The following ZC3H13 variants were observed in gnomAD, a reference collection of about 807,000 sequenced individuals.
ZC3H13 encodes zinc finger CCCH-type containing 13.
Under a neutral mutation model 204.1 loss-of-function variants are expected in ZC3H13, and 64 were observed. The ratio of observed to expected loss-of-function variants is 0.31; its 90% CI spans 0.26 to 0.39. The LOEUF (loss-of-function observed/expected upper bound fraction) is 0.39. ZC3H13 is among the 10% of genes least tolerant of loss of function. The pLI is 1.00. For missense variants in ZC3H13, 1,833 were observed against 2,082.7 expected (o/e 0.88, Z 2.33); for synonymous variants, 667 against 693.7 (o/e 0.96, Z 0.60).
chr13:45,989,368 C>T (rs1477585114), intron 8 of ZC3H13, among the ~76,000 whole-genome samples: 1 of 152,206 alleles, frequency 6.6e-6, no homozygotes, highest in Non-Finnish European at 1.5e-5. Context: ...TTCCAACATA[C>T]ACCATCTACC....
rs957426878 is a variant in ZC3H13, at chr13:45,969,829, G to A, written c.2715C>T (p.Tyr905=). 3.1e-6 allele frequency: 5 copies of A among 1,613,550 alleles called. No individual in the cohort carries two copies. Among genetic ancestry groups the A allele is most frequent in the East Asian group, 2.2e-5 (1 of 44,884 alleles). ...KPERKESSRR[Y]EEQELKEKVS... ...CTTTCTCCTTGAGTTCCTGTTCTTC[G>A]TAGCGCCTTGAACTCTCTTTCCTTT... The change falls in exon 14 of 19, where the codon TAC becomes TAT. Residue 905 remains tyrosine, a synonymous_variant. Transcript: ENST00000679008.
intron 17 of ZC3H13, chr13:45,963,587 C>T (rs1395862830): frequency 8.1e-7 from 1 of 1,240,726 alleles, no homozygotes; most frequent in African/African-American, 1.6e-5. Flanking sequence ...CACGCCTGGC[C>T]TGTTAATAAG....
intron 7 of ZC3H13, among the ~76,000 whole-genome samples, chr13:46,008,509 T>C (rs552184912): frequency 1.2e-4 from 19 of 152,216 alleles, no homozygotes; most frequent in Non-Finnish European, 2.6e-4. Context: ...CAAATATTTA[T>C]AATAGGATGT....
rs2274382 is a variant in ZC3H13, at chr13:46,052,327, G to A, written c.-10+77C>T. ...CAGTGACTCAAGCAAAGACGGGGGGGGGTAACCCGGGCCTCCGCATTACGG... is the reference window on the plus strand; with the variant it reads ...CAGTGACTCAAGCAAAGACGGGGGGAGGTAACCCGGGCCTCCGCATTACGG... On this transcript the variant is annotated intron_variant, in intron 1 of 18. Coordinates refer to ENST00000679008, the MANE Select transcript of ZC3H13 (RefSeq NM_001330564.2). 815 of 390,382 alleles carry A rather than the reference G, an allele frequency of 2.1e-3. 13 individuals are homozygous for A. The East Asian group carries it at 0.028, about 14-fold the overall frequency. The allele number at this position is 390,382 out of a possible 1,614,324, so 24.2% of individuals were successfully genotyped here. A position where few individuals can be genotyped will look rare whatever the true frequency, so the allele number is the denominator to read the frequency against.
At chr13:46,005,873 C>T (rs371434012) in intron 7 of ZC3H13, among the ~76,000 whole-genome samples, 3 of 151,946 alleles carry the variant, frequency 2.0e-5, no homozygotes, top group South Asian at 2.1e-4. Flanking sequence ...GTGGGCGGAT[C>T]GTGAGGCGGT....
chr13:45,968,640 T>G, intron 14 of ZC3H13, 108 bp downstream of exon 14: 1 of 1,414,264 alleles, frequency 7.1e-7, no homozygotes, highest in Non-Finnish European at 9.4e-7. Context: ...TGCATAAAAT[T>G]TAAGGCAGCA....
intron 4 of ZC3H13, among the ~76,000 whole-genome samples, chr13:46,036,495 A>G (rs2139065751): frequency 6.6e-6 from 1 of 152,308 alleles, no homozygotes; most frequent in South Asian, 2.1e-4. Flanking sequence ...TAAACAAATG[A>G]CAGAAATGGT....
rs564859072 is a variant in ZC3H13, at chr13:45,963,894, T to C, written c.4623A>G (p.Glu1541=). The change falls in exon 17 of 19, where the codon GAA becomes GAG. Residue 1541 remains glutamate, a synonymous_variant. Coordinates refer to ENST00000679008, the MANE Select transcript of ZC3H13 (RefSeq NM_001330564.2). The part of the protein sequence containing the change: ...VGISKKLAGS[E]LFAKVKETCQ... ...ATGTTTCTTTGACTTTGGCAAAGAG[T>C]TCAGAACCTGCCAACTTTTTAGAAA... is the stretch of plus-strand genomic sequence containing the variant. 1 of 1,614,064 alleles carries C rather than the reference T, an allele frequency of 6.2e-7. No homozygotes were observed. The highest frequency in any genetic ancestry group is 1.7e-5 in the Admixed American group (1 of 60,020).
At chr13:45,987,027 A>G (rs1954258394) in intron 9 of ZC3H13, among the ~76,000 whole-genome samples, 1 of 152,116 alleles carries the variant, frequency 6.6e-6, no homozygotes, top group Non-Finnish European at 1.5e-5. Flanking sequence ...TTTCACTTCT[A>G]TTCCTCCCCC....
Position 46,015,879 on chromosome 13 carries a change from T to G in ZC3H13, c.449-4325A>C, listed in dbSNP as rs1038707050. ...GGAGAAAACACTAACAATATATTTA[T>G]ATATCTGATAAAAATCTCATATCCA... On this transcript the variant is annotated intron_variant, in intron 5 of 18. Coordinates refer to ENST00000679008, the MANE Select transcript of ZC3H13 (RefSeq NM_001330564.2). Among the ~76,000 whole-genome samples the G allele has an allele frequency of 1.3e-4, 20 of 151,946 alleles. 2 individuals are homozygous for G. The highest frequency in any genetic ancestry group is 1.2e-3 in the Admixed American group (18 of 15,238).
chr13:45,998,149 C>A (rs551030567), intron 8 of ZC3H13, among the ~76,000 whole-genome samples: 2 of 152,086 alleles, frequency 1.3e-5, no homozygotes, highest in South Asian at 4.1e-4. Flanking sequence ...TAATTACATT[C>A]CTTATCAATC....
Position 45,959,546 on chromosome 13 carries a change from A to G in ZC3H13, c.4776T>C (p.Cys1592=). 1 of 1,548,984 alleles carries G rather than the reference A, an allele frequency of 6.5e-7. No individual in the cohort carries two copies. The highest frequency in any genetic ancestry group is 8.7e-7 in the Non-Finnish European group (1 of 1,146,332). Residue 1592 remains cysteine, a synonymous_variant, in exon 18 of 19, where the codon TGT becomes TGC. Transcript: ENST00000679008. ...RASLLSNLGP[C]CKALCFRRDS... Reference sequence around the variant, plus strand: ...CCCGTCTGAAGCACAACGCCTTACAACATGGGCCAAGATTACTAAGAAGAC... The same window carrying G: ...CCCGTCTGAAGCACAACGCCTTACAGCATGGGCCAAGATTACTAAGAAGAC...
intron 8 of ZC3H13, among the ~76,000 whole-genome samples, chr13:45,999,133 G>T (rs987359305): frequency 6.6e-6 from 1 of 152,126 alleles, no homozygotes; most frequent in African/African-American, 2.4e-5. Flanking sequence ...CCAGCTACTT[G>T]GGAGGGTGAG....
At position 46,047,778 on chromosome 13, in the gene ZC3H13, T is replaced by C. The variant is rs142860456; in HGVS notation, c.-9-2262A>G. On this transcript the variant is annotated intron_variant, in intron 1 of 18. Coordinates refer to ENST00000679008, the MANE Select transcript of ZC3H13 (RefSeq NM_001330564.2). ...TTCATTATATATTGCTACATTAATA[T>C]ACAAATATAGAGTAATCCTCAACCA... Among the ~76,000 whole-genome samples, 511 of 152,330 alleles carry C rather than the reference T, an allele frequency of 3.4e-3. 7 individuals are homozygous for C. The highest frequency in any genetic ancestry group is 0.029 in the Admixed American group (450 of 15,302).
Position 45,955,484 on chromosome 13 carries a change from A to G in ZC3H13, c.*1643T>C. The G allele has an allele frequency of 6.6e-6, 1 of 152,208 alleles. No homozygotes were observed. Among genetic ancestry groups the G allele is most frequent in the East Asian group, 1.9e-4 (1 of 5,204 alleles). The allele number at this position is 152,208 out of a possible 1,614,324, so 9.4% of individuals were successfully genotyped here. A position where few individuals can be genotyped will look rare whatever the true frequency, so the allele number is the denominator to read the frequency against. On this transcript the variant is annotated 3_prime_UTR_variant, in exon 19 of 19. Coordinates refer to ENST00000679008, the MANE Select transcript of ZC3H13 (RefSeq NM_001330564.2). ...CTACATAGTTTTCATTCTATAAATA[A>G]ATAACTTGTGAAATATCCCTGAAGT...
chr13:46,005,512 C>G (rs1465995176), intron 7 of ZC3H13, among the ~76,000 whole-genome samples: 1 of 151,948 alleles, frequency 6.6e-6, no homozygotes, highest in Non-Finnish European at 1.5e-5. Flanking sequence ...TTTTTGGAGA[C>G]AGTGTCTCGC....
chr13:46,012,608 C>T (rs1303762384), intron 5 of ZC3H13, among the ~76,000 whole-genome samples: 4 of 151,962 alleles, frequency 2.6e-5, no homozygotes, highest in Non-Finnish European at 5.9e-5. Flanking sequence ...TATATATATT[C>T]ACTACCTGTG....
chr13:46,050,913 A>T (rs1329942593), intron 1 of ZC3H13, among the ~76,000 whole-genome samples: 1 of 152,138 alleles, frequency 6.6e-6, no homozygotes. Context: ...AAAAAAAAAG[A>T]ATAAAAGACT....
chr13:46,020,824 C>T (rs536819780), intron 4 of ZC3H13, among the ~76,000 whole-genome samples: 1 of 152,096 alleles, frequency 6.6e-6, no homozygotes, highest in African/African-American at 2.4e-5. Context: ...ATCTATTTTA[C>T]TAAAGAACAA....
Sources: allele counts gnomAD v4.1 joint callset (sites outside exome capture counted in the v4.1 genomes callset), GRCh38; gene constraint gnomAD v4.1.1; transcripts MANE v1.5; gene names NCBI Gene and HGNC (gene_info 2026-07-23, HGNC 2026-07-21).